The following HLA-DQB1 variants were observed in gnomAD, a reference collection of about 807,000 sequenced individuals.
The protein encoded by HLA-DQB1 is major histocompatibility complex, class II, DQ beta 1.
A neutral mutation model predicts 26.4 loss-of-function variants in HLA-DQB1; 13 were observed. The observed-to-expected ratio is 0.49, with a 90% CI of 0.32 to 0.78. The LOEUF (loss-of-function observed/expected upper bound fraction) is 0.78. Ranked by LOEUF, HLA-DQB1 falls within the 30% of genes least tolerant of loss-of-function variation. The pLI, the probability that HLA-DQB1 is intolerant of heterozygous loss-of-function variation, is 0.03. For missense variants in HLA-DQB1, 158 were observed against 326.2 expected (o/e 0.48, Z 3.97); for synonymous variants, 60 against 129.1 (o/e 0.46, Z 3.63).
intron 2 of HLA-DQB1, chr6:32,664,495 T>C (rs4367410): frequency 0.56 from 81,298 of 146,112 alleles, 33,325 homozygotes; most frequent in East Asian, 0.82. Context: ...GAAGGTAAGG[T>C]ACGAGGAGGC....
intron 4 of HLA-DQB1, chr6:32,660,758 A>T: frequency 1.6e-6 from 1 of 643,358 alleles, no homozygotes; most frequent in Non-Finnish European, 2.6e-6. Flanking sequence ...ATAGCAGCAA[A>T]TAGGCCATGA....
intron 2 of HLA-DQB1, chr6:32,662,956 C>A: frequency 7.4e-6 from 1 of 135,274 alleles, no homozygotes; most frequent in Non-Finnish European, 1.6e-5. Context: ...AGAAAATATT[C>A]TGAGATCCGT....
chr6:32,666,039 C>G (rs28746832), intron 1 of HLA-DQB1, among the ~76,000 whole-genome samples: 36,436 of 100,644 alleles, frequency 0.36, 7,586 homozygotes, highest in East Asian at 0.58. Context: ...AAATGCTCCA[C>G]TCGGTCAGGA....
rs755264941 is a variant in HLA-DQB1, at chr6:32,660,206, A to G, written c.*30T>C. 3 of 894,614 alleles carry G rather than the reference A, an allele frequency of 3.4e-6. 1 individual carries two copies. The South Asian group carries it at 5.0e-5, about 15-fold the overall frequency. The allele number at this position is 894,614 out of a possible 1,614,324, so 55.4% of individuals were successfully genotyped here. A position where few individuals can be genotyped will look rare whatever the true frequency, so the allele number is the denominator to read the frequency against. On this transcript the variant is annotated 3_prime_UTR_variant, in exon 5 of 5. Coordinates refer to ENST00000434651, the Ensembl canonical transcript of HLA-DQB1. Reference sequence around the variant, plus strand: ...TAAGCAGGCATCACAGAAGAGTGATAACCAATCCTAGTTAAAATAGTCTCA... The same window carrying G: ...TAAGCAGGCATCACAGAAGAGTGATGACCAATCCTAGTTAAAATAGTCTCA...
chr6:32,660,399 G>T (rs34983499), intron 4 of HLA-DQB1, 150 bp from the exon 5 acceptor site: 5 of 431,542 alleles, frequency 1.2e-5, no homozygotes, highest in Admixed American at 4.3e-5. Flanking sequence ...CTGTGCAAAG[G>T]TGAAATCAGC....
At chr6:32,661,820 T>C (rs9273848) in intron 3 of HLA-DQB1, 147 bp downstream of exon 3, 3 of 671,228 alleles carry the variant, frequency 4.5e-6, no homozygotes, top group Non-Finnish European at 5.1e-6. Flanking sequence ...ATTCTTCTGA[T>C]GCACTTGCCA....
In HLA-DQB1 at chr6:32,660,476, T is replaced by C. The variant is rs1782879464; in HGVS notation, c.773-227A>G. The C allele has an allele frequency of 5.6e-6, 2 of 359,274 alleles. 1 individual carries two copies. The highest frequency in any genetic ancestry group is 1.0e-5 in the Non-Finnish European group (2 of 199,278). The allele number at this position is 359,274 out of a possible 1,614,324, so 22.3% of individuals were successfully genotyped here. On this transcript the variant is annotated intron_variant, in intron 4 of 4. Coordinates refer to ENST00000434651, the Ensembl canonical transcript of HLA-DQB1. ...AGGTGGGGAACAGCTGTTATTCTTC[T>C]GGGGAATATGAAGGGTTCAGTCTTT... is the stretch of plus-strand genomic sequence containing the variant.
rs281862207 is a variant in HLA-DQB1 at position 32,664,646 on chromosome 6, C to T, written c.379+152G>A. 7 of 261,954 alleles carry T rather than the reference C, an allele frequency of 2.7e-5. 2 individuals are homozygous for T. Among genetic ancestry groups the T allele is most frequent in the Non-Finnish European group, 4.0e-5 (6 of 149,786 alleles). 16.2% of individuals were successfully genotyped at this position (261,954 alleles called of 1,614,324 possible). A position where few individuals can be genotyped will look rare whatever the true frequency, so the allele number is the denominator to read the frequency against. ...CCTAGGTCCCCGCCCCTCCGATGCA[C>T]CTGCCCCCACCACCCCGCCGCCGCC... On this transcript the variant is annotated intron_variant, in intron 2 of 4. Transcript: ENST00000434651.
At chr6:32,665,098 C>CTCCAGCCTGG (rs779964236) in intron 1 of HLA-DQB1, 31 bp from the exon 2 acceptor site, 2 of 1,110,886 alleles carry the variant, frequency 1.8e-6, no homozygotes, top group South Asian at 1.6e-5. Flanking sequence ...GTCAGTCAGG[C>CTCCAGCCTGG]CCCAGCCCGG....
intron 4 of HLA-DQB1, chr6:32,660,863 T>G (rs1357224395): frequency 6.6e-7 from 1 of 1,512,096 alleles, no homozygotes; most frequent in Non-Finnish European, 8.9e-7. Context: ...TATTACCTGC[T>G]GGTGGAGGCC....
chr6:32,660,581 C>A (rs35908913), intron 4 of HLA-DQB1: 10,840 of 377,090 alleles, frequency 0.029, 1,616 homozygotes, highest in East Asian at 0.2. Flanking sequence ...GCAGTAGCCA[C>A]CATCATGTGG....
At chr6:32,660,379 C>T (rs1367271392) in intron 4 of HLA-DQB1, 130 bp from the exon 5 acceptor site, 1 of 464,562 alleles carries the variant, frequency 2.2e-6, no homozygotes, top group East Asian at 4.3e-5. Flanking sequence ...GTCATCACCT[C>T]CCCCAAGATC....
intron 2 of HLA-DQB1, chr6:32,663,415 G>GTGAAAGTATCATTTTGTCC (rs9282143): frequency 7.9e-6 from 1 of 126,710 alleles, no homozygotes; most frequent in African/African-American, 2.9e-5. Flanking sequence ...TTTCAATGCC[G>GTGAAAGTATCATTTTGTCC]CATTAACACA....
In HLA-DQB1 at chr6:32,661,501, T is replaced by C; in HGVS notation, c.662-44A>G. ...TGTCTGTGTTTGTCCCCACACCCCA[T>C]AGCATCCCTGCTGAGGAGTTGAAGT... is the stretch of plus-strand genomic sequence containing the variant. On this transcript the variant is annotated intron_variant, in intron 3 of 4. Coordinates refer to ENST00000434651, the Ensembl canonical transcript of HLA-DQB1. 5.8e-6 allele frequency: 6 copies of C among 1,040,970 alleles called. 1 individual carries two copies. Among genetic ancestry groups the C allele is most frequent in the Non-Finnish European group, 6.8e-6 (5 of 740,580 alleles). The allele number at this position is 1,040,970 out of a possible 1,614,324, so 64.5% of individuals were successfully genotyped here.
rs281862746 is a variant in HLA-DQB1, at chr6:32,663,978, T to C, written c.379+820A>G. On this transcript the variant is annotated intron_variant, in intron 2 of 4. Coordinates refer to ENST00000434651, the Ensembl canonical transcript of HLA-DQB1. ...AAACACATTTTCCTCAGACTTTGTA[T>C]TCACAAATTCTATTAAGATCCAAGT... The C allele has an allele frequency of 2.9e-5, 3 of 102,100 alleles. 1 individual carries two copies. The highest frequency in any genetic ancestry group is 4.4e-5 in the Non-Finnish European group (2 of 45,260). 6.3% of individuals were successfully genotyped at this position (102,100 alleles called of 1,614,324 possible).
At chr6:32,662,134 C>G (rs9273989) in exon 3 of HLA-DQB1, 1 of 1,469,030 alleles carries the variant, frequency 6.8e-7, no homozygotes, top group African/African-American at 1.5e-5. Flanking sequence ...CTGATCATTC[C>G]GAAACCACCG....
Position 32,661,704 on chromosome 6 carries a change from A to G in HLA-DQB1, c.662-247T>C, listed in dbSNP as rs9273793. 6.2e-5 allele frequency: 27 copies of G among 437,644 alleles called. 2 individuals are homozygous for G. The highest frequency in any genetic ancestry group is 1.0e-4 in the Non-Finnish European group (26 of 253,864). The allele number at this position is 437,644 out of a possible 1,614,324, so 27.1% of individuals were successfully genotyped here. A position where few individuals can be genotyped will look rare whatever the true frequency, so the allele number is the denominator to read the frequency against. ...CCATAACCTTAGACCCTAAGATCCCAGTCACCAGCCCTAAGAATCAGTCCC... is the reference window on the plus strand; with the variant it reads ...CCATAACCTTAGACCCTAAGATCCCGGTCACCAGCCCTAAGAATCAGTCCC... On this transcript the variant is annotated intron_variant, in intron 3 of 4. Coordinates refer to ENST00000434651, the Ensembl canonical transcript of HLA-DQB1.
chr6:32,660,539 A>G (rs116937403), intron 4 of HLA-DQB1: 10,540 of 345,784 alleles, frequency 0.03, 1,674 homozygotes, highest in East Asian at 0.21. Context: ...GACCACTAGC[A>G]GCCTCTTTCA....
chr6:32,663,414 C>CTTGAAAGTATCATTTT (rs9282142), intron 2 of HLA-DQB1: 3 of 132,078 alleles, frequency 2.3e-5, no homozygotes, highest in Non-Finnish European at 3.3e-5. Flanking sequence ...TTTTCAATGC[C>CTTGAAAGTATCATTTT]GCATTAACAC....
Sources: allele counts gnomAD v4.1 joint callset (sites outside exome capture counted in the v4.1 genomes callset), GRCh38; gene constraint gnomAD v4.1.1; transcripts MANE v1.5; gene names NCBI Gene and HGNC (gene_info 2026-07-23, HGNC 2026-07-21).